CNTNAP5: variants seen among roughly 807,000 people sequenced by gnomAD.
CNTNAP5 encodes the protein contactin-associated protein-like 5.
A neutral mutation model predicts 150.2 loss-of-function variants in CNTNAP5; 72 were observed. The observed-to-expected ratio is 0.48, with a 90% CI of 0.40 to 0.58. The LOEUF is 0.58. Among genes scored for constraint, CNTNAP5 ranks in the 20% least tolerant of loss-of-function variants. The pLI is 0.00. For synonymous variants in CNTNAP5, 672 were observed against 619.8 expected, an observed-to-expected ratio of 1.08 and a Z score of -1.25; for missense variants, 1,636 against 1,626.2, an observed-to-expected ratio of 1.01 and a Z score of -0.10.
intron 21 of CNTNAP5, among the ~76,000 whole-genome samples, chr2:124,880,219 C>T (rs192335407): frequency 6.6e-6 from 1 of 152,154 alleles, no homozygotes. Flanking sequence ...ATGATTTGAC[C>T]TGAATCTGTG....
At chr2:124,540,401 GTT>G (rs1695349984) in intron 10 of CNTNAP5, among the ~76,000 whole-genome samples, 1 of 152,158 alleles carries the variant, frequency 6.6e-6, no homozygotes, top group South Asian at 2.1e-4. Flanking sequence ...CTGTGTATGT[GTT>G]CACATGCAAT....
chr2:124,389,226 T>TG (rs1187186487), intron 3 of CNTNAP5, among the ~76,000 whole-genome samples: 2 of 152,100 alleles, frequency 1.3e-5, no homozygotes, highest in African/African-American at 4.8e-5. Flanking sequence ...GTGTTTTGTT[T>TG]GAAAAAAAAT....
intron 1 of CNTNAP5, among the ~76,000 whole-genome samples, chr2:124,151,134 A>G (rs1558776581): frequency 6.6e-6 from 1 of 152,128 alleles, no homozygotes; most frequent in Non-Finnish European, 1.5e-5. Flanking sequence ...AGTGGGGCAG[A>G]GAAAGGAGGT....
intron 4 of CNTNAP5, among the ~76,000 whole-genome samples, chr2:124,428,516 C>T (rs1374830746): frequency 6.6e-6 from 1 of 152,150 alleles, no homozygotes; most frequent in Non-Finnish European, 1.5e-5. Flanking sequence ...CAAAGCCTCC[C>T]ACATGTGTAC....
chr2:124,252,111 AT>A (rs1687195444), intron 3 of CNTNAP5, among the ~76,000 whole-genome samples: 1 of 152,106 alleles, frequency 6.6e-6, no homozygotes, highest in Admixed American at 6.5e-5. Context: ...GGCCTTCCCT[AT>A]CTAGTGCATA....
At chr2:124,535,149 G>A (rs1482102243) in intron 10 of CNTNAP5, among the ~76,000 whole-genome samples, 1 of 152,026 alleles carries the variant, frequency 6.6e-6, no homozygotes, top group African/African-American at 2.4e-5. Flanking sequence ...GTGACCACCG[G>A]GCCCATTCCT....
intron 19 of CNTNAP5, among the ~76,000 whole-genome samples, chr2:124,828,879 C>T (rs780730190): frequency 2.0e-5 from 3 of 150,586 alleles, no homozygotes; most frequent in Non-Finnish European, 4.4e-5. Context: ...TGTCAGACTT[C>T]TCTGACACAG....
At chr2:124,617,183 C>A (rs771972514) in intron 12 of CNTNAP5, among the ~76,000 whole-genome samples, 1 of 151,468 alleles carries the variant, frequency 6.6e-6, no homozygotes, top group Admixed American at 6.6e-5. Context: ...CAGACTTGCT[C>A]AACATAGGGT....
chr2:124,491,806 C>A (rs964008229), intron 7 of CNTNAP5, among the ~76,000 whole-genome samples: 1 of 151,302 alleles, frequency 6.6e-6, no homozygotes, highest in Non-Finnish European at 1.5e-5. Flanking sequence ...TGAGATGGTA[C>A]CTATTGTGGT....
chr2:124,588,649 T>C (rs1696609744), intron 11 of CNTNAP5, among the ~76,000 whole-genome samples: 2 of 152,174 alleles, frequency 1.3e-5, no homozygotes, highest in Non-Finnish European at 2.9e-5. Flanking sequence ...TATGTAAATC[T>C]CATAGATTAA....
chr2:124,883,642 A>G (rs1678014729), intron 21 of CNTNAP5, among the ~76,000 whole-genome samples: 1 of 152,074 alleles, frequency 6.6e-6, no homozygotes, highest in South Asian at 2.1e-4. Flanking sequence ...ATCCTGGTAC[A>G]GGTATGTATG....
intron 3 of CNTNAP5, among the ~76,000 whole-genome samples, chr2:124,283,517 T>G: frequency 6.6e-6 from 1 of 152,166 alleles, no homozygotes; most frequent in Non-Finnish European, 1.5e-5. Flanking sequence ...CAACTCTGGT[T>G]GCAGAGAGGC....
At chr2:124,749,481 A>G (rs1321676129) in intron 14 of CNTNAP5, among the ~76,000 whole-genome samples, 4 of 150,108 alleles carry the variant, frequency 2.7e-5, no homozygotes, top group African/African-American at 9.8e-5. Context: ...CTGGGGTGCA[A>G]TGATGCAATC....
chr2:124,165,438 C>T (rs1268360706), intron 1 of CNTNAP5, among the ~76,000 whole-genome samples: 1 of 152,166 alleles, frequency 6.6e-6, no homozygotes, highest in Non-Finnish European at 1.5e-5. Context: ...CCTCTCTTTG[C>T]CACGGTTTCT....
chr2:124,417,277 A>C (rs768664343), intron 3 of CNTNAP5, among the ~76,000 whole-genome samples, 166 bp from the exon 4 acceptor site: 22 of 152,270 alleles, frequency 1.4e-4, no homozygotes, highest in Non-Finnish European at 2.8e-4. Flanking sequence ...AGTATTTCTG[A>C]AAACAAACAA....
intron 8 of CNTNAP5, among the ~76,000 whole-genome samples, chr2:124,523,510 A>G (rs576070308): frequency 2.8e-4 from 42 of 152,192 alleles, no homozygotes; most frequent in Non-Finnish European, 5.6e-4. Flanking sequence ...TTCCCAAAAC[A>G]GTTTTTTCAG....
rs1670774305 is a variant in CNTNAP5, at chr2:124,415,080, T to C, written c.382-2363T>C. ...ACTAAACTCCACAGGGAGGCGTCCT[T>C]TCCAGGTGAGCAGGGAAGGAGGACA... On this transcript the variant is annotated intron_variant, in intron 3 of 23. Coordinates refer to ENST00000682447, the MANE Select transcript of CNTNAP5 (RefSeq NM_001367498.1). 3.3e-5 allele frequency among the ~76,000 whole-genome samples: 5 copies of C among 152,272 alleles called. No homozygotes were observed. In the South Asian group the frequency reaches 1.0e-3, roughly 32 times the overall value.
chr2:124,702,346 C>CTTTTTTTTTTTTTTTTTT lies in CNTNAP5; in HGVS notation c.2078-44850_2078-44833dup, dbSNP rs71412792. On this transcript the variant is annotated intron_variant, in intron 13 of 23. Coordinates refer to ENST00000682447, the MANE Select transcript of CNTNAP5 (RefSeq NM_001367498.1). ...ATGTCCTTCTGTGAAACTATGAACA[C>CTTTTTTTTTTTTTTTTTT]TTTTTTTTTTTTTTTTTTTTTTTTT... Among the ~76,000 whole-genome samples the CTTTTTTTTTTTTTTTTTT allele has an allele frequency of 7.7e-5, 4 of 52,250 alleles. 1 individual carries two copies. Among genetic ancestry groups the CTTTTTTTTTTTTTTTTTT allele is most frequent in the African/African-American group, 1.5e-4 (2 of 13,396 alleles). 34.3% of individuals were successfully genotyped at this position (52,250 alleles called of 152,430 possible).
At chr2:124,355,194 G>T (rs560842539) in intron 3 of CNTNAP5, among the ~76,000 whole-genome samples, 1 of 151,918 alleles carries the variant, frequency 6.6e-6, no homozygotes, top group Admixed American at 6.6e-5. Context: ...ATAATTAGGG[G>T]ATAAATGTTC....
Sources: allele counts gnomAD v4.1 joint callset (sites outside exome capture counted in the v4.1 genomes callset), GRCh38; gene constraint gnomAD v4.1.1; transcripts MANE v1.5; gene names NCBI Gene and HGNC (gene_info 2026-07-23, HGNC 2026-07-21).